The following VGLL4 variants were observed in gnomAD, a reference collection of about 807,000 sequenced individuals.
VGLL4 encodes vestigial like family member 4, also known as transcription cofactor vestigial-like protein 4.
Under a neutral mutation model 21.0 loss-of-function variants are expected in VGLL4, and 7 were observed. That is an observed-to-expected ratio of 0.33 (90% CI 0.19 to 0.63). The LOEUF (loss-of-function observed/expected upper bound fraction) is 0.63, where lower values mean the gene tolerates loss of function less well. VGLL4 is among the 20% of genes least tolerant of loss of function. The probability of loss-of-function intolerance (pLI) is 0.78; values close to 1 mark genes in which losing one functional copy is unlikely to be tolerated. For synonymous variants in VGLL4, 222 were observed against 173.2 expected (o/e 1.28, Z -2.21); for missense variants, 394 against 425.7 (o/e 0.93, Z 0.66).
rs1370876726 is a variant in VGLL4, at chr3:11,572,044, T to C, written c.273-7025A>G. Reference sequence around the variant, plus strand: ...ATCACCTGAGCCCAGGAGATGGAGGTTGCAGTGAGCTGAGATCTGCACCAC... The same window carrying C: ...ATCACCTGAGCCCAGGAGATGGAGGCTGCAGTGAGCTGAGATCTGCACCAC... On this transcript the variant is annotated intron_variant, in intron 2 of 4. Coordinates refer to ENST00000430365, the MANE Select transcript of VGLL4 (RefSeq NM_001128219.3). 2.0e-5 allele frequency among the ~76,000 whole-genome samples: 3 copies of C among 151,684 alleles called. No individual in the cohort carries two copies. The East Asian group carries it at 5.8e-4, about 30-fold the overall frequency.
chr3:11,592,942 T>C (rs2074537550), intron 2 of VGLL4, among the ~76,000 whole-genome samples: 1 of 152,208 alleles, frequency 6.6e-6, no homozygotes, highest in Non-Finnish European at 1.5e-5. Context: ...CCCAATTCTC[T>C]GGATGCTGAG....
intron 2 of VGLL4, among the ~76,000 whole-genome samples, chr3:11,577,578 G>A (rs1203021978): frequency 6.6e-6 from 1 of 152,150 alleles, no homozygotes; most frequent in African/African-American, 2.4e-5. Context: ...GAACAACAGA[G>A]CAAGACCCCA....
intron 3 of VGLL4, among the ~76,000 whole-genome samples, chr3:11,561,734 G>T (rs917821933): frequency 8.6e-5 from 13 of 152,010 alleles, no homozygotes; most frequent in African/African-American, 3.1e-4. Flanking sequence ...AAGTTACGCT[G>T]CGGATTTGTG....
intron 1 of VGLL4, among the ~76,000 whole-genome samples, chr3:11,706,760 A>C (rs958121842): frequency 1.4e-5 from 1 of 71,642 alleles, no homozygotes; most frequent in Non-Finnish European, 2.9e-5. Flanking sequence ...CAGTGCAGTC[A>C]TCCTGAGTCA....
chr3:11,661,776 C>A (rs2076043316), intron 2 of VGLL4, among the ~76,000 whole-genome samples: 1 of 152,048 alleles, frequency 6.6e-6, no homozygotes, highest in Non-Finnish European at 1.5e-5. Context: ...CCAGCCTGAA[C>A]CAATATTTCT....
chr3:11,695,744 C>G (rs1237397309), intron 2 of VGLL4, among the ~76,000 whole-genome samples: 10 of 152,130 alleles, frequency 6.6e-5, no homozygotes. Context: ...TACCCCGTCT[C>G]CTCTCTGAGG....
At chr3:11,680,772 C>G (rs903638864) in intron 2 of VGLL4, among the ~76,000 whole-genome samples, 3 of 152,246 alleles carry the variant, frequency 2.0e-5, no homozygotes, top group Admixed American at 1.3e-4. Context: ...CCCATCCCAT[C>G]TCTGCCACCG....
chr3:11,632,453 G>C (rs2075502989), intron 1 of VGLL4, among the ~76,000 whole-genome samples: 2 of 152,084 alleles, frequency 1.3e-5, no homozygotes, highest in African/African-American at 4.8e-5. Context: ...CTAGTTCCCA[G>C]TATAGTGACA....
chr3:11,641,753 AC>A (rs2075691572), intron 1 of VGLL4, among the ~76,000 whole-genome samples: 1 of 152,136 alleles, frequency 6.6e-6, no homozygotes, highest in Non-Finnish European at 1.5e-5. Context: ...CCTCCCAAAT[AC>A]CGAGAGAGAA....
At chr3:11,644,703 T>C (rs1355645097), upstream of VGLL4, among the ~76,000 whole-genome samples, 4 of 151,724 alleles carry the variant, frequency 2.6e-5, no homozygotes, top group Non-Finnish European at 5.9e-5. Flanking sequence ...TAAATTAGCC[T>C]GGTGTGGTAG....
At chr3:11,575,571 G>A (rs1202522204) in intron 2 of VGLL4, among the ~76,000 whole-genome samples, 1 of 152,188 alleles carries the variant, frequency 6.6e-6, no homozygotes, top group Non-Finnish European at 1.5e-5. Context: ...TGGGAAACCT[G>A]GCGGATCCGG....
intron 1 of VGLL4, among the ~76,000 whole-genome samples, chr3:11,716,811 G>A (rs1285182275): frequency 6.6e-6 from 1 of 151,442 alleles, no homozygotes; most frequent in East Asian, 1.9e-4. Context: ...TTTGCGGGGG[G>A]GTGGTTTATG....
At chr3:11,709,865 C>A (rs1418786345) in intron 1 of VGLL4, among the ~76,000 whole-genome samples, 17 of 152,096 alleles carry the variant, frequency 1.1e-4, no homozygotes, top group Non-Finnish European at 5.9e-5. Flanking sequence ...GTGTGTTAGT[C>A]CATTTTGTGT....
intron 1 of VGLL4, among the ~76,000 whole-genome samples, chr3:11,632,121 C>T (rs999873282): frequency 7.2e-5 from 11 of 152,030 alleles, no homozygotes; most frequent in East Asian, 1.9e-4. Flanking sequence ...CAATTCCAGC[C>T]CAGACAACAC....
chr3:11,569,895 T>G (rs1191259348), intron 2 of VGLL4, among the ~76,000 whole-genome samples: 3 of 152,108 alleles, frequency 2.0e-5, no homozygotes, highest in African/African-American at 7.2e-5. Flanking sequence ...TAAATAAGAT[T>G]GCTAGCACAT....
chr3:11,571,855 T>C (rs2073789960), intron 2 of VGLL4, among the ~76,000 whole-genome samples: 1 of 151,150 alleles, frequency 6.6e-6, no homozygotes, highest in East Asian at 2.0e-4. Context: ...ACCTGTAATC[T>C]CATCACTTTG....
At chr3:11,585,562 G>T (rs1031732003) in intron 2 of VGLL4, among the ~76,000 whole-genome samples, 1 of 152,050 alleles carries the variant, frequency 6.6e-6, no homozygotes, top group African/African-American at 2.4e-5. Context: ...AGATTTGTAG[G>T]TTTAAGGAGA....
intron 1 of VGLL4, among the ~76,000 whole-genome samples, chr3:11,629,975 A>G (rs914792686): frequency 6.6e-6 from 1 of 151,882 alleles, no homozygotes; most frequent in Non-Finnish European, 1.5e-5. Flanking sequence ...AAGCTAAAGG[A>G]AAGTGTTCTC....
intron 1 of VGLL4, among the ~76,000 whole-genome samples, chr3:11,629,593 T>C (rs1208944392): frequency 6.6e-6 from 1 of 150,946 alleles, no homozygotes; most frequent in Non-Finnish European, 1.5e-5. Context: ...TAAAAACACA[T>C]AAAATTAGCC....
Sources: allele counts gnomAD v4.1 joint callset (sites outside exome capture counted in the v4.1 genomes callset), GRCh38; gene constraint gnomAD v4.1.1; transcripts MANE v1.5; gene names NCBI Gene and HGNC (gene_info 2026-07-23, HGNC 2026-07-21).